Variants in MACO1 observed in about 807,000 individuals in gnomAD.
MACO1 encodes macoilin 1.
Under a neutral mutation model 78.7 loss-of-function variants are expected in MACO1, and 14 were observed. The ratio of observed to expected loss-of-function variants is 0.18; its 90% CI spans 0.12 to 0.28. The LOEUF is 0.28. Ranked by LOEUF, MACO1 falls within the 10% of genes least tolerant of loss-of-function variation. MACO1 has a pLI of 1.00. For missense variants in MACO1, 501 were observed against 799.0 expected, an observed-to-expected ratio of 0.63 and a Z score of 4.50; for synonymous variants, 288 against 291.6, an observed-to-expected ratio of 0.99 and a Z score of 0.12.
At chr1:25,478,669 A>G (rs531050069) in intron 6 of MACO1, among the ~76,000 whole-genome samples, 57 of 152,356 alleles carry the variant, frequency 3.7e-4, no homozygotes, top group Middle Eastern at 3.4e-3. Flanking sequence ...GTTGAGTGCT[A>G]TCTTTTGAAA....
In MACO1 at chr1:25,476,146, A is replaced by G. The variant is rs541843469; in HGVS notation, c.1155-7970A>G. On this transcript the variant is annotated intron_variant, in intron 6 of 10. Transcript: ENST00000374343. Reference sequence around the variant, plus strand: ...AAAATGACTAGTTCTTGGCACTCACAGCTTTATTCTTGAAGAACTTTAAGA... The same window carrying G: ...AAAATGACTAGTTCTTGGCACTCACGGCTTTATTCTTGAAGAACTTTAAGA... Among the ~76,000 whole-genome samples, 3 of 152,342 alleles carry G rather than the reference A, an allele frequency of 2.0e-5. No homozygotes were observed. The South Asian group carries it at 6.2e-4, about 32-fold the overall frequency.
chr1:25,489,263 C>A lies in MACO1; in HGVS notation c.1587C>A (p.Asp529Glu), dbSNP rs749884773. The A allele has an allele frequency of 1.7e-5, 28 of 1,613,814 alleles. No homozygotes were observed. In the Admixed American group the frequency reaches 4.7e-4, roughly 27 times the overall value. The stretch of plus-strand genomic sequence containing the variant: ...CGATGGACATGAAGGTGAAAGAAGA[C>A]CAAATCAGAGAACTAGAACTAAAAG... ...KLTMDMKVKE[D>E]QIRELELKVQ... Residue 529 changes from aspartate to glutamate, a missense_variant, in exon 9 of 11, where the codon GAC (aspartate) becomes GAA (glutamate). Physicochemically the swap from Asp to Glu is conservative, Grantham distance 45. This residue lies in a region of MACO1 where 163 missense variants were observed against 271.9 expected (regional missense o/e 0.60). Coordinates refer to ENST00000374343, the MANE Select transcript of MACO1 (RefSeq NM_018202.6).
chr1:25,458,313 T>G lies in MACO1; in HGVS notation c.653-78T>G, dbSNP rs113514382. The G allele has an allele frequency of 2.9e-4, 443 of 1,502,392 alleles. 1 individual carries two copies. In the African/African-American group the frequency reaches 5.7e-3, roughly 19 times the overall value. The allele number at this position is 1,502,392 out of a possible 1,614,324, so 93.1% of individuals were successfully genotyped here. A position where few individuals can be genotyped will look rare whatever the true frequency, so the allele number is the denominator to read the frequency against. ...TTCTTAAGTGTAGATAATAGTTTGTTGAATTAATCTGTGTTGTTAAACAAC... is the reference window on the plus strand; with the variant it reads ...TTCTTAAGTGTAGATAATAGTTTGTGGAATTAATCTGTGTTGTTAAACAAC... On this transcript the variant is annotated intron_variant, in intron 5 of 10. Coordinates refer to ENST00000374343, the MANE Select transcript of MACO1 (RefSeq NM_018202.6).
intron 6 of MACO1, among the ~76,000 whole-genome samples, chr1:25,478,850 A>G (rs2043345560): frequency 6.6e-6 from 1 of 152,222 alleles, no homozygotes; most frequent in African/African-American, 2.4e-5. Flanking sequence ...AGGCCTTTGT[A>G]AGGGTGAAAA....
Position 25,498,587 on chromosome 1 carries a change from A to C in MACO1, c.*121A>C. On this transcript the variant is annotated 3_prime_UTR_variant, in exon 11 of 11. Transcript: ENST00000374343. ...ATTTTGTGGAACTGTATCTGTTGTC[A>C]TTTTTAAAAAGGGGGGAAAAGATAA... The C allele has an allele frequency of 2.1e-6, 2 of 947,908 alleles. No individual in the cohort carries two copies. The highest frequency in any genetic ancestry group is 5.0e-5 in the East Asian group (2 of 39,742). The allele number at this position is 947,908 out of a possible 1,614,324, so 58.7% of individuals were successfully genotyped here.
rs1247253180 is a variant in MACO1 at position 25,484,105 on chromosome 1, C to T, written c.1155-11C>T. ...ACCTAGATGAAAATGCTGCATTTCT[C>T]ATTCTCCTAGGCTGGAACAAGACAT... On this transcript the variant is annotated splice_polypyrimidine_tract_variant and intron_variant, in intron 6 of 10. Transcript: ENST00000374343. The T allele has an allele frequency of 2.5e-6, 4 of 1,600,402 alleles. No homozygotes were observed. The highest frequency in any genetic ancestry group is 3.4e-6 in the Non-Finnish European group (4 of 1,175,048).
intron 5 of MACO1, 142 bp downstream of exon 5, chr1:25,456,973 T>C (rs1194015800): frequency 2.5e-6 from 2 of 784,584 alleles, no homozygotes; most frequent in African/African-American, 3.6e-5. Context: ...TTGTTTTATT[T>C]GGTCAATGAA....
chr1:25,435,260 G>A (rs994647980), intron 1 of MACO1, among the ~76,000 whole-genome samples: 2 of 152,182 alleles, frequency 1.3e-5, no homozygotes, highest in Admixed American at 1.3e-4. Context: ...TTGTAGTGCT[G>A]TGTGAAGCTT....
rs1459520718 is a variant in MACO1 at position 25,472,544 on chromosome 1, C to T, written c.1155-11572C>T. Among the ~76,000 whole-genome samples the T allele has an allele frequency of 2.6e-5, 4 of 152,202 alleles. No homozygotes were observed. The East Asian group carries it at 7.7e-4, about 29-fold the overall frequency. ...CCATGTTTCTGTTCCAACCTTCTCT[C>T]CAAGGAGATCCTCCAGGTTAGAATA... On this transcript the variant is annotated intron_variant, in intron 6 of 10. Transcript: ENST00000374343.
chr1:25,484,236 G>A lies in MACO1; in HGVS notation c.1275G>A (p.Met425Ile). 1 of 1,613,474 alleles carries A rather than the reference G, an allele frequency of 6.2e-7. No homozygotes were observed. The highest frequency in any genetic ancestry group is 2.2e-5 in the East Asian group (1 of 44,846). Residue 425 changes from methionine to isoleucine, a missense_variant, in exon 7 of 11, where the codon ATG (methionine) becomes ATA (isoleucine). Physicochemically the swap from Met to Ile is conservative, Grantham distance 10. Coordinates refer to ENST00000374343, the MANE Select transcript of MACO1 (RefSeq NM_018202.6). ...SSTERGIRSEMGQLRQENELL... is the reference protein window; with the variant it reads ...SSTERGIRSEIGQLRQENELL... Reference sequence around the variant, plus strand: ...CCGAGCGAGGGATCCGCTCAGAAATGGGCCAGCTTCGGCAGGAGAACGAGC... The same window carrying A: ...CCGAGCGAGGGATCCGCTCAGAAATAGGCCAGCTTCGGCAGGAGAACGAGC...
At chr1:25,434,363 A>AAATT (rs2042901649) in intron 1 of MACO1, among the ~76,000 whole-genome samples, 1 of 152,230 alleles carries the variant, frequency 6.6e-6, no homozygotes, top group South Asian at 2.1e-4. Context: ...TTGAGTGAGT[A>AAATT]AATTAATAAA....
At chr1:25,489,407 C>T in intron 9 of MACO1, 114 bp downstream of exon 9, 3 of 1,209,482 alleles carry the variant, frequency 2.5e-6, no homozygotes, top group Non-Finnish European at 3.4e-6. Flanking sequence ...AATCTCATTG[C>T]ATCTGAAAAA....
At chr1:25,448,477 G>GA (rs966522662) in intron 2 of MACO1, among the ~76,000 whole-genome samples, 4 of 148,586 alleles carry the variant, frequency 2.7e-5, no homozygotes, top group African/African-American at 7.4e-5. Flanking sequence ...AAAGAAAAAA[G>GA]AAAAAAAAAA....
At chr1:25,484,061 C>G in intron 6 of MACO1, 55 bp from the exon 7 acceptor site, 1 of 1,550,728 alleles carries the variant, frequency 6.4e-7, no homozygotes. Flanking sequence ...AGGTCCCTCC[C>G]AGCTCTGTGG....
At chr1:25,442,673 G>A (rs2042982570) in intron 1 of MACO1, among the ~76,000 whole-genome samples, 1 of 151,292 alleles carries the variant, frequency 6.6e-6, no homozygotes, top group South Asian at 2.1e-4. Context: ...ATGGATTGAG[G>A]TAAAAAAATG....
chr1:25,468,011 A>G (rs1173634756), intron 6 of MACO1, among the ~76,000 whole-genome samples: 2 of 152,160 alleles, frequency 1.3e-5, no homozygotes, highest in Non-Finnish European at 2.9e-5. Flanking sequence ...TTTGAATGCA[A>G]ATACAACTAA....
chr1:25,477,675 A>G (rs1225267448), intron 6 of MACO1, among the ~76,000 whole-genome samples: 2 of 152,184 alleles, frequency 1.3e-5, no homozygotes, highest in Admixed American at 6.5e-5. Flanking sequence ...CTTCTTTTTT[A>G]TAAGACTTGA....
At chr1:25,447,535 CAG>C (rs1370312514) in intron 2 of MACO1, among the ~76,000 whole-genome samples, 6 of 152,126 alleles carry the variant, frequency 3.9e-5, no homozygotes, top group East Asian at 1.9e-4. Context: ...CTAAAACAAA[CAG>C]AATATAGAAG....
At position 25,498,691 on chromosome 1, in the gene MACO1, T is replaced by C. The variant is rs2043559558; in HGVS notation, c.*225T>C. 2 of 440,100 alleles carry C rather than the reference T, an allele frequency of 4.5e-6. No homozygotes were observed. Among genetic ancestry groups the C allele is most frequent in the Non-Finnish European group, 7.9e-6 (2 of 253,382 alleles). 27.3% of individuals were successfully genotyped at this position (440,100 alleles called of 1,614,324 possible). A position where few individuals can be genotyped will look rare whatever the true frequency, so the allele number is the denominator to read the frequency against. ...ACCTCACAGAACTTTACAGTTTATT[T>C]TTCTCGGCCAACACATTAAAACCAT... is the stretch of plus-strand genomic sequence containing the variant. On this transcript the variant is annotated 3_prime_UTR_variant, in exon 11 of 11. Coordinates refer to ENST00000374343, the MANE Select transcript of MACO1 (RefSeq NM_018202.6).
Sources: gnomAD v4.1 joint callset for allele counts (sites outside exome capture counted in the v4.1 genomes callset) on GRCh38, gnomAD v4.1.1 for gene constraint, gnomAD v4.1.1 regional missense constraint, MANE v1.5 for transcripts, NCBI Gene and HGNC (gene_info 2026-07-23, HGNC 2026-07-21) for gene names.